Variants in OCA2 observed in about 807,000 individuals in gnomAD.
OCA2 encodes P protein.
OCA2 carries 77 observed loss-of-function variants against 100.2 expected under a neutral mutation model. That is an observed-to-expected ratio of 0.77 (90% CI 0.64 to 0.93). The LOEUF (loss-of-function observed/expected upper bound fraction) is 0.93. Ranked by LOEUF, OCA2 falls within the 40% of genes least tolerant of loss-of-function variation. OCA2 has a pLI of 0.00. For synonymous variants in OCA2, 432 were observed against 439.2 expected, an observed-to-expected ratio of 0.98 and a Z score of 0.21; for missense variants, 1,062 against 1,089.1, an observed-to-expected ratio of 0.98 and a Z score of 0.35.
chr15:28,001,598 G>C (rs2041927799), intron 9 of OCA2, among the ~76,000 whole-genome samples: 2 of 152,188 alleles, frequency 1.3e-5, no homozygotes, highest in Non-Finnish European at 2.9e-5. Flanking sequence ...CTTTCCTTGT[G>C]TGTCTGTGAA....
chr15:27,740,091 T>G, the OCA2 span, among the ~76,000 whole-genome samples: 3 of 152,228 alleles, frequency 2.0e-5, no homozygotes, highest in African/African-American at 7.2e-5. Context: ...CTTGAGAAAC[T>G]GTTCTGTTGA....
chr15:27,806,644 G>A (rs1447424374), intron 23 of OCA2, among the ~76,000 whole-genome samples: 1 of 152,230 alleles, frequency 6.6e-6, no homozygotes. Context: ...TGTCCCTCCC[G>A]GCACTGATGA....
chr15:27,815,654 C>T (rs1002674842), intron 23 of OCA2, among the ~76,000 whole-genome samples: 3 of 152,156 alleles, frequency 2.0e-5, no homozygotes, highest in African/African-American at 4.8e-5. Flanking sequence ...CAACAGATCG[C>T]GTGAAATAAA....
intron 9 of OCA2, among the ~76,000 whole-genome samples, chr15:28,006,158 A>G (rs558352410): frequency 3.9e-5 from 6 of 152,248 alleles, no homozygotes; most frequent in Non-Finnish European, 8.8e-5. Context: ...GCCCCTCCGC[A>G]CACGTTAGCT....
chr15:28,091,767 C>A (rs1437881192), intron 1 of OCA2, among the ~76,000 whole-genome samples: 1 of 152,024 alleles, frequency 6.6e-6, no homozygotes, highest in East Asian at 1.9e-4. Flanking sequence ...ACCAGCCTGG[C>A]CAACACGGCG....
At chr15:27,821,421 C>A (rs1408853439) in intron 23 of OCA2, among the ~76,000 whole-genome samples, 1 of 152,162 alleles carries the variant, frequency 6.6e-6, no homozygotes, top group African/African-American at 2.4e-5. Context: ...CATACATGAA[C>A]ATATACACGT....
In OCA2 at chr15:27,951,780, T is replaced by C. The variant is rs759740402; in HGVS notation, c.1951+4A>G. ...CCTATGAACCAAAGCTAAATTAGAC[T>C]CACCAAGATCAAGATGAATGCCAGG... On this transcript the variant is annotated splice_donor_region_variant and intron_variant, in intron 18 of 23. Coordinates refer to ENST00000354638, the MANE Select transcript of OCA2 (RefSeq NM_000275.3). 2 of 1,584,900 alleles carry C rather than the reference T, an allele frequency of 1.3e-6. No homozygotes were observed. Among genetic ancestry groups the C allele is most frequent in the South Asian group, 1.1e-5 (1 of 90,434 alleles).
intron 9 of OCA2, among the ~76,000 whole-genome samples, chr15:27,992,314 T>C (rs1478180357): frequency 2.6e-5 from 4 of 152,248 alleles, no homozygotes; most frequent in African/African-American, 9.6e-5. Context: ...TTGGCCAGGC[T>C]GGTCTCCAAC....
intron 14 of OCA2, among the ~76,000 whole-genome samples, chr15:27,973,437 T>C (rs2040869762): frequency 6.6e-6 from 1 of 151,980 alleles, no homozygotes; most frequent in South Asian, 2.1e-4. Flanking sequence ...CTGAAGAGAG[T>C]GTCTTTTACC....
intron 23 of OCA2, among the ~76,000 whole-genome samples, chr15:27,782,505 C>T (rs1405301723): frequency 6.6e-6 from 1 of 152,200 alleles, no homozygotes; most frequent in Non-Finnish European, 1.5e-5. Flanking sequence ...GGTGACATTT[C>T]TAAGAATAAC....
intron 23 of OCA2, among the ~76,000 whole-genome samples, chr15:27,817,175 C>T (rs1228531856): frequency 6.6e-6 from 1 of 152,152 alleles, no homozygotes; most frequent in African/African-American, 2.4e-5. Flanking sequence ...GATGACCAGT[C>T]TCCTAGTCTA....
the OCA2 span, among the ~76,000 whole-genome samples, chr15:27,719,797 C>T: frequency 9.2e-5 from 14 of 152,116 alleles, no homozygotes. Flanking sequence ...GATTGGGTGG[C>T]CCCATCTGCT....
chr15:28,041,968 A>G (rs2043214273), intron 2 of OCA2, among the ~76,000 whole-genome samples: 1 of 152,208 alleles, frequency 6.6e-6, no homozygotes, highest in African/African-American at 2.4e-5. Flanking sequence ...GGAATTTTAA[A>G]TACACAATTC....
chr15:27,898,446 G>A (rs1336394798), intron 19 of OCA2, among the ~76,000 whole-genome samples: 1 of 152,190 alleles, frequency 6.6e-6, no homozygotes, highest in Non-Finnish European at 1.5e-5. Context: ...GAGTTTTCCT[G>A]CACAAGCTCT....
the OCA2 span, among the ~76,000 whole-genome samples, chr15:27,738,517 C>T: frequency 6.6e-6 from 1 of 152,230 alleles, no homozygotes; most frequent in South Asian, 2.1e-4. Context: ...GGGCAGATCA[C>T]GAGGTCAGGA....
At chr15:27,756,509 C>T (rs537302778) in intron 23 of OCA2, among the ~76,000 whole-genome samples, 115 of 152,328 alleles carry the variant, frequency 7.5e-4, no homozygotes, top group African/African-American at 2.7e-3. Context: ...AAACACAGAA[C>T]ATATTTTGGG....
chr15:27,837,715 A>C (rs1223300090), intron 23 of OCA2, among the ~76,000 whole-genome samples: 2 of 152,064 alleles, frequency 1.3e-5, no homozygotes, highest in African/African-American at 2.4e-5. Context: ...ACTGGGCTCC[A>C]GGTGACAGGC....
chr15:27,810,305 TGAA>T (rs1180994879), intron 23 of OCA2, among the ~76,000 whole-genome samples: 1 of 152,102 alleles, frequency 6.6e-6, no homozygotes, highest in Non-Finnish European at 1.5e-5. Flanking sequence ...GCTAGCCAAA[TGAA>T]GAAGAATGAA....
intron 21 of OCA2, among the ~76,000 whole-genome samples, chr15:27,865,955 C>G (rs1001475765): frequency 2.6e-5 from 4 of 152,188 alleles, no homozygotes; most frequent in Non-Finnish European, 5.9e-5. Context: ...AGGCAGGAAA[C>G]CCAGATCACC....
Sources: gnomAD v4.1 joint callset for allele counts (sites outside exome capture counted in the v4.1 genomes callset) on GRCh38, gnomAD v4.1.1 for gene constraint, MANE v1.5 for transcripts, NCBI Gene and HGNC (gene_info 2026-07-23, HGNC 2026-07-21) for gene names.